The following KCNIP4 variants were observed in gnomAD, a reference collection of about 807,000 sequenced individuals.
The protein encoded by KCNIP4 is Kv channel-interacting protein 4.
A neutral mutation model predicts 34.0 loss-of-function variants in KCNIP4; 12 were observed. That is an observed-to-expected ratio of 0.35 (90% CI 0.23 to 0.57). The LOEUF is 0.57. Among genes scored for constraint, KCNIP4 ranks in the 20% least tolerant of loss-of-function variants. The pLI is 0.83. For missense variants in KCNIP4, 238 were observed against 311.7 expected (o/e 0.76, Z 1.78); for synonymous variants, 124 against 102.2 (o/e 1.21, Z -1.29).
At chr4:21,165,567 A>T (rs1377936276) in intron 1 of KCNIP4, among the ~76,000 whole-genome samples, 3 of 152,026 alleles carry the variant, frequency 2.0e-5, no homozygotes, top group African/African-American at 7.2e-5. Context: ...TGCATCATAG[A>T]TCTAAATATA....
chr4:21,242,880 CTGTGTGTGTGTG>C (rs56347755), intron 1 of KCNIP4, among the ~76,000 whole-genome samples: 39,744 of 149,158 alleles, frequency 0.27, 5,421 homozygotes, highest in South Asian at 0.46. Context: ...GTGTGTGTAT[CTGTGTGTGTGTG>C]TGTGTGTGTG....
chr4:21,722,500 A>T (rs1714887310), intron 1 of KCNIP4, among the ~76,000 whole-genome samples: 1 of 152,184 alleles, frequency 6.6e-6, no homozygotes, highest in Non-Finnish European at 1.5e-5. Context: ...GAGCAAGGAG[A>T]GAAAATGACA....
intron 1 of KCNIP4, among the ~76,000 whole-genome samples, chr4:21,022,553 A>G (rs1302636212): frequency 6.6e-6 from 1 of 152,248 alleles, no homozygotes; most frequent in Non-Finnish European, 1.5e-5. Flanking sequence ...ACCCCTTAGC[A>G]TGAGATGAAA....
chr4:21,006,935 C>A (rs1275992111), intron 1 of KCNIP4, among the ~76,000 whole-genome samples: 1 of 152,174 alleles, frequency 6.6e-6, no homozygotes, highest in African/African-American at 2.4e-5. Context: ...TAAATTCTCT[C>A]TGTTCTTGAG....
intron 3 of KCNIP4, among the ~76,000 whole-genome samples, chr4:20,827,069 G>C (rs534796530): frequency 6.6e-6 from 1 of 152,268 alleles, no homozygotes; most frequent in African/African-American, 2.4e-5. Flanking sequence ...TTGATCAACA[G>C]AATACAGCAG....
intron 1 of KCNIP4, among the ~76,000 whole-genome samples, chr4:21,179,146 C>T (rs1307161236): frequency 6.6e-6 from 1 of 152,146 alleles, no homozygotes; most frequent in East Asian, 1.9e-4. Context: ...ATCTTTCCTT[C>T]TCCCTTTTCA....
At chr4:21,052,529 C>T (rs1316129176) in intron 1 of KCNIP4, among the ~76,000 whole-genome samples, 1 of 152,118 alleles carries the variant, frequency 6.6e-6, no homozygotes, top group Non-Finnish European at 1.5e-5. Flanking sequence ...TTACAAAAGG[C>T]ACTTGTAATG....
intron 1 of KCNIP4, among the ~76,000 whole-genome samples, chr4:21,067,882 C>T (rs1744549165): frequency 6.6e-6 from 1 of 152,172 alleles, no homozygotes; most frequent in South Asian, 2.1e-4. Context: ...GTCCCATCAA[C>T]ATAAATATTA....
At position 21,352,902 on chromosome 4, in the gene KCNIP4, C is replaced by T. The variant is rs1169760520; in HGVS notation, c.62-470193G>A. 2.0e-5 allele frequency among the ~76,000 whole-genome samples: 3 copies of T among 152,144 alleles called. No individual in the cohort carries two copies. In the East Asian group the frequency reaches 5.8e-4, roughly 29 times the overall value. ...GACAGACACTTCATACAGGTGGGTG[C>T]CCCTCTGGGATGAAGCTTCCAGAGG... On this transcript the variant is annotated intron_variant, in intron 1 of 8. Transcript: ENST00000382152.
intron 1 of KCNIP4, among the ~76,000 whole-genome samples, chr4:21,183,393 C>A (rs2109328697): frequency 6.6e-6 from 1 of 150,634 alleles, no homozygotes; most frequent in South Asian, 2.1e-4. Flanking sequence ...GTAAGATTTG[C>A]TGGATCACAT....
At chr4:20,868,383 C>T (rs1438149564) in intron 2 of KCNIP4, among the ~76,000 whole-genome samples, 20 of 152,006 alleles carry the variant, frequency 1.3e-4, no homozygotes, top group Admixed American at 1.3e-3. Context: ...AATTCTTACA[C>T]ATGGTGGGAA....
intron 2 of KCNIP4, among the ~76,000 whole-genome samples, chr4:20,873,343 A>G (rs181857288): frequency 5.9e-5 from 9 of 152,304 alleles, no homozygotes; most frequent in African/African-American, 1.9e-4. Flanking sequence ...GTAAATATTA[A>G]GAGTAATTGT....
chr4:20,734,797 C>CAAAA, intron 5 of KCNIP4, 62 bp from the exon 6 acceptor site: 2 of 988,118 alleles, frequency 2.0e-6, no homozygotes, highest in South Asian at 1.6e-5. Context: ...ACAAAAAAAA[C>CAAAA]AAATGATGTA....
intron 1 of KCNIP4, among the ~76,000 whole-genome samples, chr4:21,595,748 T>C (rs774623872): frequency 6.6e-6 from 1 of 152,082 alleles, no homozygotes; most frequent in East Asian, 1.9e-4. Flanking sequence ...AAAAAGCTCA[T>C]CATCACTGGT....
At chr4:21,452,192 G>T (rs925686556) in intron 1 of KCNIP4, among the ~76,000 whole-genome samples, 1 of 151,882 alleles carries the variant, frequency 6.6e-6, no homozygotes, top group Non-Finnish European at 1.5e-5. Context: ...AATTTTAAAA[G>T]AAAATAAAAA....
At chr4:21,579,752 T>A (rs1741063410) in intron 1 of KCNIP4, among the ~76,000 whole-genome samples, 1 of 152,164 alleles carries the variant, frequency 6.6e-6, no homozygotes, top group Admixed American at 6.5e-5. Context: ...TAATTCTAGG[T>A]TTTATTCTCC....
chr4:20,940,731 T>C (rs1731551776), intron 1 of KCNIP4, among the ~76,000 whole-genome samples: 1 of 152,220 alleles, frequency 6.6e-6, no homozygotes, highest in Non-Finnish European at 1.5e-5. Context: ...GCTACAACTA[T>C]TGATCCAGAT....
intron 1 of KCNIP4, among the ~76,000 whole-genome samples, chr4:21,212,437 A>G (rs1757282151): frequency 6.6e-6 from 1 of 152,222 alleles, no homozygotes; most frequent in African/African-American, 2.4e-5. Context: ...AATGCAAAAC[A>G]AGGAATGAAG....
intron 1 of KCNIP4, among the ~76,000 whole-genome samples, chr4:21,919,954 G>A (rs1003259460): frequency 1.3e-5 from 2 of 152,096 alleles, no homozygotes; most frequent in South Asian, 2.1e-4. Context: ...GTTAAAAAAA[G>A]GTCTAATTAA....
Sources: gnomAD v4.1 joint callset for allele counts (sites outside exome capture counted in the v4.1 genomes callset) on GRCh38, gnomAD v4.1.1 for gene constraint, MANE v1.5 for transcripts, NCBI Gene and HGNC (gene_info 2026-07-23, HGNC 2026-07-21) for gene names.